The following COL18A1 variants were observed in gnomAD, a reference collection of about 807,000 sequenced individuals.
The protein encoded by COL18A1 is collagen alpha-1(XVIII) chain.
In COL18A1, 133 loss-of-function variants were observed where a neutral mutation model predicts 168.0. The ratio of observed to expected loss-of-function variants is 0.79; its 90% confidence interval spans 0.69 to 0.91. The LOEUF (loss-of-function observed/expected upper bound fraction) is 0.91. Among genes scored for constraint, COL18A1 ranks in the 40% least tolerant of loss-of-function variants. The pLI, the probability that COL18A1 is intolerant of heterozygous loss-of-function variation, is 0.00. For synonymous variants in COL18A1, 949 were observed against 809.0 expected, an observed-to-expected ratio of 1.17 and a Z score of -2.94; for missense variants, 2,126 against 1,925.4, an observed-to-expected ratio of 1.10 and a Z score of -1.95.
intron 41 of COL18A1, 56 bp downstream of exon 41, chr21:45,511,282 C>T (rs962434155): frequency 6.1e-5 from 58 of 944,146 alleles, no homozygotes; most frequent in Admixed American, 5.2e-4. Flanking sequence ...GGAAGGCGGG[C>T]GGGCGGGCTC....
In COL18A1 at chr21:45,463,587, C is replaced by T. The variant is rs762748260; in HGVS notation, c.107-4655C>T. On this transcript the variant is annotated intron_variant, in intron 2 of 41. Transcript: ENST00000651438. The surrounding 1 kb of genome is among the most constrained non-coding windows in gnomAD (Gnocchi z 4.0). The stretch of plus-strand genomic sequence containing the variant: ...AGTACTCCAGAATCATTTTCAAACA[C>T]GTTTCTTTCTGTCAAGAAATCAAGT... Among the ~76,000 whole-genome samples, 9 of 152,192 alleles carry T rather than the reference C, an allele frequency of 5.9e-5. No homozygotes were observed. The highest frequency in any genetic ancestry group is 1.9e-4 in the African/African-American group (8 of 41,456).
At chr21:45,510,851 C>T (rs1054467997) in intron 40 of COL18A1, among the ~76,000 whole-genome samples, 15 of 152,250 alleles carry the variant, frequency 9.9e-5, no homozygotes, top group African/African-American at 3.4e-4. Context: ...TTGGGGTCTG[C>T]AGAGGCTGCC....
intron 2 of COL18A1, chr21:45,467,365 T>C: frequency 2.0e-6 from 2 of 985,352 alleles, no homozygotes; most frequent in African/African-American, 1.7e-5. Context: ...CACCCGGCGC[T>C]GTGGGGCATT....
Position 45,492,520 on chromosome 21 carries a change from T to C in COL18A1, c.2158-15T>C. ...CGGCTCTTTGTTTCCGATTTTTCCT[T>C]TTGCTCGTGGACAGGGATCCGTCCT... On this transcript the variant is annotated splice_polypyrimidine_tract_variant and intron_variant, in intron 22 of 41. Coordinates refer to ENST00000651438, the MANE Select transcript of COL18A1 (RefSeq NM_001379500.1). 1 of 1,613,516 alleles carries C rather than the reference T, an allele frequency of 6.2e-7. No homozygotes were observed. The highest frequency in any genetic ancestry group is 8.5e-7 in the Non-Finnish European group (1 of 1,180,008).
chr21:45,416,142 C>T (rs1036199128), intron 2 of COL18A1, among the ~76,000 whole-genome samples: 1 of 152,210 alleles, frequency 6.6e-6, no homozygotes, highest in Non-Finnish European at 1.5e-5. Context: ...CTGTGAATCA[C>T]GCCTCTCATT....
intron 38 of COL18A1, among the ~76,000 whole-genome samples, chr21:45,508,538 ATGGG>A (rs1319207073): frequency 1.3e-5 from 2 of 150,680 alleles, no homozygotes; most frequent in Non-Finnish European, 2.9e-5. Context: ...GGGTGGATGG[ATGGG>A]TAGAAATATT....
chr21:45,405,182 C>T lies in COL18A1; in HGVS notation c.-49C>T, dbSNP rs1316619503. On this transcript the variant is annotated 5_prime_UTR_variant, in exon 1 of 42. Transcript: ENST00000651438. ...AGCGCGGCGGTCCGAGCGGGTGCAC[C>T]GCGGCGGAGGAGGCAGCATCCCGCG... 11 of 248,488 alleles carry T rather than the reference C, an allele frequency of 4.4e-5. No individual in the cohort carries two copies. The highest frequency in any genetic ancestry group is 1.2e-4 in the Admixed American group (2 of 16,112). The allele number at this position is 248,488 out of a possible 1,614,324, so 15.4% of individuals were successfully genotyped here.
chr21:45,486,450 CCT>C (rs1161499394), intron 15 of COL18A1, among the ~76,000 whole-genome samples: 2 of 103,636 alleles, frequency 1.9e-5, no homozygotes, highest in Non-Finnish European at 4.0e-5. Context: ...TCTCCTCTCT[CCT>C]CTCTTTTCCC....
At chr21:45,437,130 GGCACTCTCC>G (rs1287700692) in intron 2 of COL18A1, among the ~76,000 whole-genome samples, 4 of 77,614 alleles carry the variant, frequency 5.2e-5, no homozygotes, top group African/African-American at 1.7e-4. Flanking sequence ...CAGACACACA[GGCACTCTCC>G]ACACACACTC....
intron 15 of COL18A1, among the ~76,000 whole-genome samples, chr21:45,485,149 ATTTT>A (rs751718038): frequency 4.2e-4 from 23 of 55,078 alleles, no homozygotes; most frequent in African/African-American, 1.0e-3. Context: ...CACCTGGCTA[ATTTT>A]TTTTTTTTTT....
chr21:45,474,720 TCGC>T (rs1326808814), intron 4 of COL18A1, among the ~76,000 whole-genome samples: 10 of 146,898 alleles, frequency 6.8e-5, no homozygotes, highest in African/African-American at 2.2e-4. Context: ...ACCCACAGCC[TCGC>T]TCCTGGGGGC....
In COL18A1 at chr21:45,443,470, C is replaced by T. The variant is rs113547721; in HGVS notation, c.107-24772C>T. Among the ~76,000 whole-genome samples, 3,376 of 152,272 alleles carry T rather than the reference C, an allele frequency of 0.022. 140 individuals are homozygous for T. The highest frequency in any genetic ancestry group is 0.076 in the African/African-American group (3,139 of 41,552). On this transcript the variant is annotated intron_variant, in intron 2 of 41. Coordinates refer to ENST00000651438, the MANE Select transcript of COL18A1 (RefSeq NM_001379500.1). This position sits in a 1 kb window ranked among gnomAD's most constrained non-coding sequence, Gnocchi z 5.2. ...CCAGCTCGGCATCGCAGCAGAGTCC[C>T]GGTGGTGGAGATGCTTTGCCACTGG...
chr21:45,498,747 G>A lies in COL18A1; in HGVS notation c.2683+1086G>A, dbSNP rs1602569140. On this transcript the variant is annotated intron_variant, in intron 32 of 41. Transcript: ENST00000651438. The surrounding 1 kb of genome is among the most constrained non-coding windows in gnomAD (Gnocchi z 4.5). ...CACAGATGACCAGAAACCAGGAGAA[G>A]AGGCCAGTGACACACCAGACCAGGA... 6.6e-6 allele frequency: 4 copies of A among 610,330 alleles called. No individual in the cohort carries two copies. The East Asian group carries it at 1.1e-4, about 17-fold the overall frequency. The allele number at this position is 610,330 out of a possible 1,614,324, so 37.8% of individuals were successfully genotyped here. A position where few individuals can be genotyped will look rare whatever the true frequency, so the allele number is the denominator to read the frequency against.
intron 2 of COL18A1, among the ~76,000 whole-genome samples, chr21:45,436,845 T>TG (rs1177402821): frequency 2.0e-5 from 1 of 49,210 alleles, no homozygotes; most frequent in South Asian, 5.9e-4. Flanking sequence ...GTGCCGTGCC[T>TG]GGGGGTCTGT....
At chr21:45,510,943 A>ACC in intron 40 of COL18A1, among the ~76,000 whole-genome samples, 168 bp from the exon 41 acceptor site, 3 of 26,040 alleles carry the variant, frequency 1.2e-4, no homozygotes, top group Non-Finnish European at 1.9e-4. Flanking sequence ...AAAAAAACAC[A>ACC]CACCCACAAC....
At chr21:45,495,608 G>A (rs1445082921) in intron 29 of COL18A1, 176 bp downstream of exon 29, 15 of 371,816 alleles carry the variant, frequency 4.0e-5, no homozygotes, top group South Asian at 2.7e-4. Flanking sequence ...GTCCACACAC[G>A]CACACGTGTG....
At chr21:45,406,736 AC>A (rs2123489198) in intron 2 of COL18A1, among the ~76,000 whole-genome samples, 1 of 152,376 alleles carries the variant, frequency 6.6e-6, no homozygotes, top group African/African-American at 2.4e-5. Flanking sequence ...GAAAGGAAAG[AC>A]GCTGGGGCCC....
intron 20 of COL18A1, 137 bp downstream of exon 20, chr21:45,490,483 CGTGTG>C (rs2036283317): frequency 2.9e-6 from 2 of 687,050 alleles, no homozygotes; most frequent in African/African-American, 3.9e-5. Context: ...CCTGGGCCTC[CGTGTG>C]CCCTCCCGGG....
intron 24 of COL18A1, 78 bp downstream of exon 24, chr21:45,492,791 C>G (rs1032834536): frequency 6.5e-5 from 74 of 1,137,430 alleles, no homozygotes; most frequent in Non-Finnish European, 8.8e-5. Flanking sequence ...GCAGCCCGGT[C>G]GAGCTGGGGT....
Sources: gnomAD v4.1 joint callset for allele counts (sites outside exome capture counted in the v4.1 genomes callset) on GRCh38, gnomAD v4.1.1 for gene constraint, Gnocchi (gnomAD v3.1) non-coding constraint, MANE v1.5 for transcripts, NCBI Gene and HGNC (gene_info 2026-07-23, HGNC 2026-07-21) for gene names.